The following PCDHGA12 variants were observed in gnomAD, a reference collection of about 807,000 sequenced individuals.
PCDHGA12 encodes protocadherin gamma-A12.
PCDHGA12 carries 43 observed loss-of-function variants against 61.1 expected under a neutral mutation model. The observed-to-expected ratio is 0.70, with a 90% confidence interval of 0.55 to 0.91. The LOEUF is 0.91. Among genes scored for constraint, PCDHGA12 ranks in the 40% least tolerant of loss-of-function variants. PCDHGA12 has a pLI of 0.00. For missense variants in PCDHGA12, 1,236 were observed against 1,227.7 expected (o/e 1.01, Z -0.10); for synonymous variants, 520 against 542.9 (o/e 0.96, Z 0.59).
chr5:141,511,117 G>A lies in PCDHGA12; in HGVS notation c.2743G>A (p.Ala915Thr). Residue 915 changes from alanine to threonine, a missense_variant, in exon 4 of 4, where the codon GCC becomes ACC. Physicochemically the swap from Ala to Thr is moderately conservative, Grantham distance 58. Coordinates refer to ENST00000252085, the MANE Select transcript of PCDHGA12 (RefSeq NM_003735.3). ...TNAAGKRDGK[A>T]PAGGNGNKKK... ...CGCAGCTGGCAAGCGGGATGGCAAG[G>A]CCCCAGCAGGTGGCAATGGCAACAA... 6.2e-7 allele frequency: 1 copy of A among 1,614,216 alleles called. No homozygotes were observed. Among genetic ancestry groups the A allele is most frequent in the Non-Finnish European group, 8.5e-7 (1 of 1,180,026 alleles).
rs184835272 is a variant in PCDHGA12, at chr5:141,470,234, C to A, written c.2425-24573C>A. ...AACCATTCAGCTTCTTCACCAAACC[C>A]TTGAATGTCCCACCTGTCTAAATGG... On this transcript the variant is annotated intron_variant, in intron 1 of 3. Transcript: ENST00000252085. Among the ~76,000 whole-genome samples, 6 of 152,288 alleles carry A rather than the reference C, an allele frequency of 3.9e-5. No individual in the cohort carries two copies. The East Asian group carries it at 9.6e-4, about 24-fold the overall frequency.
intron 1 of PCDHGA12, among the ~76,000 whole-genome samples, chr5:141,436,781 A>T (rs1041532929): frequency 6.6e-6 from 1 of 152,236 alleles, no homozygotes; most frequent in Non-Finnish European, 1.5e-5. Context: ...TGTGGATGGA[A>T]ATAAAACTGT....
At position 141,432,963 on chromosome 5, in the gene PCDHGA12, C is replaced by T. The variant is rs1382354299; in HGVS notation, c.2204C>T (p.Ala735Val). 1.5e-5 allele frequency: 24 copies of T among 1,614,046 alleles called. 1 individual carries two copies. In the South Asian group the frequency reaches 2.3e-4, roughly 16 times the overall value. The change falls in exon 1 of 4, where the codon GCG becomes GTG. Residue 735 changes from alanine (A) to valine (V), a missense_variant. Transcript: ENST00000252085. The surrounding 1 kb of genome is among the most constrained non-coding windows in gnomAD (Gnocchi z 6.0). ...LQASGGGLTG[A>V]PASHFVGVDG... ...GCTTCAGGAGGCGGCTTGACAGGAG[C>T]GCCGGCGTCGCACTTTGTGGGCGTG...
At chr5:141,446,339 G>A (rs1455819111) in intron 1 of PCDHGA12, among the ~76,000 whole-genome samples, 1 of 152,164 alleles carries the variant, frequency 6.6e-6, no homozygotes, top group Non-Finnish European at 1.5e-5. Flanking sequence ...GAACTGGATG[G>A]ACAAAGCTAC....
chr5:141,444,341 T>C (rs909401337), intron 1 of PCDHGA12, among the ~76,000 whole-genome samples: 2 of 151,892 alleles, frequency 1.3e-5, no homozygotes, highest in African/African-American at 4.8e-5. Context: ...CCAGCTAATT[T>C]TGTATTTTTA....
intron 1 of PCDHGA12, chr5:141,440,652 C>T (rs755275974): frequency 6.6e-6 from 1 of 152,160 alleles, no homozygotes; most frequent in Non-Finnish European, 1.5e-5. Flanking sequence ...AAAATTATCA[C>T]CTTAGCAGCA....
chr5:141,455,876 TTTA>T (rs1271603055), intron 1 of PCDHGA12, among the ~76,000 whole-genome samples: 2 of 146,624 alleles, frequency 1.4e-5, no homozygotes, highest in Non-Finnish European at 1.5e-5. Context: ...TATTTATTTA[TTTA>T]TTTATTTATT....
chr5:141,455,377 CAGAA>C (rs2098820699), intron 1 of PCDHGA12, among the ~76,000 whole-genome samples: 1 of 151,970 alleles, frequency 6.6e-6, no homozygotes, highest in Admixed American at 6.6e-5. Flanking sequence ...AGGGAGAAGA[CAGAA>C]GGAAGGAGCT....
At chr5:141,462,786 T>G (rs1394476968) in intron 1 of PCDHGA12, among the ~76,000 whole-genome samples, 1 of 152,216 alleles carries the variant, frequency 6.6e-6, no homozygotes, top group Admixed American at 6.5e-5. Flanking sequence ...AATTTGTTGC[T>G]TATTTGCATG....
At position 141,490,688 on chromosome 5, in the gene PCDHGA12, C is replaced by A; in HGVS notation, c.2425-4119C>A. ...ACTGTGGCTGCCTCAGATCCAGACA[C>A]TGGGGATAATGCCCGCCTCACCTAC... On this transcript the variant is annotated intron_variant, in intron 1 of 3. Coordinates refer to ENST00000252085, the MANE Select transcript of PCDHGA12 (RefSeq NM_003735.3). The surrounding 1 kb of genome is among the most constrained non-coding windows in gnomAD (Gnocchi z 5.4). The A allele has an allele frequency of 6.2e-7, 1 of 1,614,218 alleles. No individual in the cohort carries two copies. The highest frequency in any genetic ancestry group is 8.5e-7 in the Non-Finnish European group (1 of 1,180,032).
chr5:141,439,531 G>T (rs1474855779), intron 1 of PCDHGA12, among the ~76,000 whole-genome samples: 1 of 152,126 alleles, frequency 6.6e-6, no homozygotes, highest in Non-Finnish European at 1.5e-5. Context: ...TCTACAGAAC[G>T]CTGTCCTCTC....
chr5:141,510,428 G>A (rs1254357998), intron 3 of PCDHGA12, among the ~76,000 whole-genome samples: 2 of 152,092 alleles, frequency 1.3e-5, no homozygotes, highest in African/African-American at 4.8e-5. Flanking sequence ...TGGTTTCATG[G>A]CTGCTGCCCT....
rs1023379892 is a variant in PCDHGA12 at position 141,475,927 on chromosome 5, G to T, written c.2425-18880G>T. 1.3e-4 allele frequency: 80 copies of T among 628,362 alleles called. No individual in the cohort carries two copies. In the African/African-American group the frequency reaches 1.4e-3, roughly 11 times the overall value. The allele number at this position is 628,362 out of a possible 1,614,324, so 38.9% of individuals were successfully genotyped here. ...CGGCCAATGAAGACGCTGGAGATCG[G>T]GCCCCTGCCCGTCCCCTTTCTGCGC... On this transcript the variant is annotated intron_variant, in intron 1 of 3. Coordinates refer to ENST00000252085, the MANE Select transcript of PCDHGA12 (RefSeq NM_003735.3).
intron 1 of PCDHGA12, among the ~76,000 whole-genome samples, chr5:141,482,329 T>C (rs1334833454): frequency 6.6e-6 from 1 of 152,160 alleles, no homozygotes; most frequent in Non-Finnish European, 1.5e-5. Context: ...ATAAAGAGAA[T>C]ATCTACTTTG....
chr5:141,476,551 C>A lies in PCDHGA12; in HGVS notation c.2425-18256C>A, dbSNP rs367700651. 6.2e-7 allele frequency: 1 copy of A among 1,614,196 alleles called. No individual in the cohort carries two copies. The highest frequency in any genetic ancestry group is 1.7e-5 in the Admixed American group (1 of 60,028). ...CCCAGGAAATGAAATTGGAGATTAG[C>A]GAGGCCGTGGCTCCGGGGACGCGCT... On this transcript the variant is annotated intron_variant, in intron 1 of 3. Transcript: ENST00000252085. This position sits in a 1 kb window ranked among gnomAD's most constrained non-coding sequence, Gnocchi z 7.6.
At chr5:141,492,256 A>G (rs1323720621) in intron 1 of PCDHGA12, among the ~76,000 whole-genome samples, 1 of 151,974 alleles carries the variant, frequency 6.6e-6, no homozygotes, top group Non-Finnish European at 1.5e-5. Context: ...CGGCCCACAC[A>G]AGTTGCACGG....
At chr5:141,502,739 A>C (rs1287180048) in intron 2 of PCDHGA12, among the ~76,000 whole-genome samples, 1 of 152,070 alleles carries the variant, frequency 6.6e-6, no homozygotes, top group Non-Finnish European at 1.5e-5. Flanking sequence ...ATGTTCTGTC[A>C]TTCCTTCTAC....
chr5:141,478,851 C>T, intron 1 of PCDHGA12: 1 of 1,374,810 alleles, frequency 7.3e-7, no homozygotes, highest in Non-Finnish European at 9.6e-7. Context: ...AGCTAAAACA[C>T]AAGATCTCAG....
rs769671283 is a variant in PCDHGA12, at chr5:141,511,391, C to A, written c.*218C>A. 1 of 1,079,748 alleles carries A rather than the reference C, an allele frequency of 9.3e-7. No homozygotes were observed. The allele number at this position is 1,079,748 out of a possible 1,614,324, so 66.9% of individuals were successfully genotyped here. On this transcript the variant is annotated 3_prime_UTR_variant, in exon 4 of 4. Transcript: ENST00000252085. ...TGCAAAAGCAGTTCCGCTGGGAACC[C>A]CCATCCAATCAACTGCTGTACCCAT...
Sources: allele counts gnomAD v4.1 joint callset (sites outside exome capture counted in the v4.1 genomes callset), GRCh38; gene constraint gnomAD v4.1.1; non-coding constraint Gnocchi (gnomAD v3.1); transcripts MANE v1.5; gene names NCBI Gene and HGNC (gene_info 2026-07-23, HGNC 2026-07-21).